TDP1: variants seen among roughly 807,000 people sequenced by gnomAD.
TDP1 encodes tyr-DNA phosphodiesterase 1.
Under a neutral mutation model 81.5 loss-of-function variants are expected in TDP1, and 64 were observed. The observed-to-expected ratio is 0.79, with a 90% confidence interval of 0.64 to 0.97. The LOEUF (loss-of-function observed/expected upper bound fraction) is 0.97, where lower values mean the gene tolerates loss of function less well. Ranked by LOEUF, TDP1 falls within the 50% of genes least tolerant of loss-of-function variation. The pLI is 0.00. For synonymous variants in TDP1, 256 were observed against 264.3 expected, an observed-to-expected ratio of 0.97 and a Z score of 0.30; for missense variants, 723 against 743.8, an observed-to-expected ratio of 0.97 and a Z score of 0.33.
intron 2 of TDP1, among the ~76,000 whole-genome samples, chr14:89,960,493 T>C (rs1311757984): frequency 1.3e-5 from 2 of 152,210 alleles, no homozygotes; most frequent in Non-Finnish European, 2.9e-5. Flanking sequence ...ACCTATGCTA[T>C]GAGTTTTAAC....
chr14:90,025,703 G>C (rs1408949974), intron 15 of TDP1, among the ~76,000 whole-genome samples: 7 of 152,184 alleles, frequency 4.6e-5, no homozygotes, highest in Admixed American at 4.6e-4. Context: ...TTTTAAATTA[G>C]ACTACGGTTC....
intron 7 of TDP1, among the ~76,000 whole-genome samples, chr14:89,979,426 C>G (rs2140064155): frequency 6.6e-6 from 1 of 152,116 alleles, no homozygotes; most frequent in Middle Eastern, 3.4e-3. Flanking sequence ...TCACCTGCCT[C>G]AGCCTGCTTA....
At chr14:89,985,000 T>A (rs1299861454) in intron 9 of TDP1, 132 bp from the exon 10 acceptor site, 4 of 1,346,972 alleles carry the variant, frequency 3.0e-6, no homozygotes, top group Admixed American at 5.3e-5. Context: ...AATTTGAGAG[T>A]CAATTCAAGA....
At chr14:89,972,888 G>C (rs1217889292) in intron 6 of TDP1, among the ~76,000 whole-genome samples, 1 of 152,196 alleles carries the variant, frequency 6.6e-6, no homozygotes, top group African/African-American at 2.4e-5. Context: ...CAAGTACAGA[G>C]ACAGAGTGAA....
chr14:89,975,611 C>CTGGGGACG, intron 6 of TDP1, 170 bp from the exon 7 acceptor site: 2 of 439,700 alleles, frequency 4.5e-6, no homozygotes, highest in Non-Finnish European at 3.0e-6. Flanking sequence ...TAATGAGCGT[C>CTGGGGACG]CCCAGATGCT....
At chr14:89,993,268 C>T in intron 13 of TDP1, 108 bp from the exon 14 acceptor site, 2 of 1,270,024 alleles carry the variant, frequency 1.6e-6, no homozygotes, top group Admixed American at 2.1e-5. Flanking sequence ...CGTGTAGCCA[C>T]TGTTGATTTT....
At chr14:90,024,341 A>G (rs35311720) in intron 15 of TDP1, among the ~76,000 whole-genome samples, 5,969 of 151,570 alleles carry the variant, frequency 0.039, 390 homozygotes, top group African/African-American at 0.13. Context: ...ACCTGTCTCC[A>G]CTCCAGGCAC....
At chr14:89,974,772 A>G (rs1373344491) in intron 6 of TDP1, among the ~76,000 whole-genome samples, 3 of 152,218 alleles carry the variant, frequency 2.0e-5, no homozygotes, top group Non-Finnish European at 4.4e-5. Flanking sequence ...AGAGTCATAC[A>G]AAGTTGTGAA....
At chr14:89,975,112 G>T (rs1422870858) in intron 6 of TDP1, among the ~76,000 whole-genome samples, 1 of 152,206 alleles carries the variant, frequency 6.6e-6, no homozygotes, top group East Asian at 1.9e-4. Context: ...GTCTCGCTCT[G>T]TCACCCAGGC....
At chr14:90,021,693 G>A (rs1271456367) in intron 15 of TDP1, among the ~76,000 whole-genome samples, 1 of 152,178 alleles carries the variant, frequency 6.6e-6, no homozygotes, top group Non-Finnish European at 1.5e-5. Context: ...ATAAGAAAGA[G>A]CCCCATTATA....
Position 89,956,242 on chromosome 14 carries a change from C to T in TDP1, c.-231+272C>T, listed in dbSNP as rs35151267. 6.6e-5 allele frequency: 10 copies of T among 152,466 alleles called. No individual in the cohort carries two copies. The East Asian group carries it at 1.7e-3, about 27-fold the overall frequency. The allele number at this position is 152,466 out of a possible 1,614,324, so 9.4% of individuals were successfully genotyped here. ...CTGCCGGGGCGCGGCGCTAGGGGCC[C>T]CTGCTCGGGTTTTTATTCCCAGACC... On this transcript the variant is annotated intron_variant, in intron 1 of 16. Coordinates refer to ENST00000335725, the MANE Select transcript of TDP1 (RefSeq NM_018319.4).
intron 10 of TDP1, chr14:89,988,569 G>T: frequency 1.0e-6 from 1 of 979,144 alleles, no homozygotes; most frequent in Non-Finnish European, 1.2e-6. Flanking sequence ...GTGATTTCAA[G>T]TAAAAAAAAT....
intron 14 of TDP1, among the ~76,000 whole-genome samples, chr14:90,001,103 C>A (rs1487667174): frequency 6.6e-6 from 1 of 152,106 alleles, no homozygotes; most frequent in African/African-American, 2.4e-5. Flanking sequence ...ATGTCTCTAC[C>A]CATCATAAGT....
At position 90,019,419 on chromosome 14, in the gene TDP1, G is replaced by C. The variant is rs1036062492; in HGVS notation, c.1644+1G>C. 1.9e-6 allele frequency: 3 copies of C among 1,550,780 alleles called. No homozygotes were observed. The African/African-American group carries it at 4.1e-5, about 21-fold the overall frequency. On this transcript the variant is annotated splice_donor_variant, in intron 15 of 16. Transcript: ENST00000335725. LOFTEE classifies it high-confidence loss of function. ...GGTCCTTTTCCTCCCTTCAGCATTT[G>C]TAAGTTTACACTTCCAACTGCACAG...
chr14:90,026,529 T>C (rs556423275), intron 15 of TDP1, among the ~76,000 whole-genome samples: 1 of 152,392 alleles, frequency 6.6e-6, no homozygotes, highest in Admixed American at 6.5e-5. Flanking sequence ...GTTACATATG[T>C]ATACATGTGC....
At chr14:89,991,371 A>T in intron 12 of TDP1, 1 of 163,526 alleles carries the variant, frequency 6.1e-6, no homozygotes, top group Non-Finnish European at 1.3e-5. Flanking sequence ...GAGTGGTTTT[A>T]GTTATTTGCA....
intron 11 of TDP1, 104 bp downstream of exon 11, chr14:89,989,194 T>G (rs112329415): frequency 2.3e-6 from 3 of 1,296,052 alleles, no homozygotes; most frequent in East Asian, 5.1e-5. Flanking sequence ...ATTCTGTGAT[T>G]CTTTTTTTTT....
At chr14:89,961,139 G>A (rs969194031) in intron 2 of TDP1, among the ~76,000 whole-genome samples, 5 of 152,214 alleles carry the variant, frequency 3.3e-5, no homozygotes, top group South Asian at 4.1e-4. Flanking sequence ...ATGAGCAAAC[G>A]TGTGTTTTGT....
intron 8 of TDP1, chr14:89,983,375 G>A (rs1009687944): frequency 8.8e-6 from 2 of 228,454 alleles, no homozygotes; most frequent in Non-Finnish European, 1.8e-5. Context: ...GTGGGAAGCA[G>A]GGGTATGAAA....
Sources: allele counts gnomAD v4.1 joint callset (sites outside exome capture counted in the v4.1 genomes callset), GRCh38; gene constraint gnomAD v4.1.1; transcripts MANE v1.5; gene names NCBI Gene and HGNC (gene_info 2026-07-23, HGNC 2026-07-21).